The following CACNG4 variants were observed in gnomAD, a reference collection of about 807,000 sequenced individuals.
CACNG4 encodes the protein voltage-dependent calcium channel gamma-4 subunit.
Under a neutral mutation model 22.9 loss-of-function variants are expected in CACNG4, and 8 were observed. The observed-to-expected ratio is 0.35, with a 90% CI of 0.21 to 0.63. CACNG4 has a LOEUF of 0.63. Ranked by LOEUF, CACNG4 falls within the 30% of genes least tolerant of loss-of-function variation. The pLI, the probability that CACNG4 is intolerant of heterozygous loss-of-function variation, is 0.72. For missense variants in CACNG4, 357 were observed against 455.4 expected (o/e 0.78, Z 1.97); for synonymous variants, 188 against 191.9 (o/e 0.98, Z 0.17).
At chr17:66,982,133 G>A (rs1161324769) in intron 1 of CACNG4, among the ~76,000 whole-genome samples, 1 of 152,218 alleles carries the variant, frequency 6.6e-6, no homozygotes, top group Non-Finnish European at 1.5e-5. Flanking sequence ...GCAGCAGCTA[G>A]ATTTACTGTG....
chr17:67,006,964 C>T (rs886517201), intron 1 of CACNG4, among the ~76,000 whole-genome samples: 2 of 152,018 alleles, frequency 1.3e-5, no homozygotes, highest in Non-Finnish European at 2.9e-5. Context: ...CACTTGAGGT[C>T]AGGAGTTCGA....
chr17:66,974,970 G>C (rs1463769214), intron 1 of CACNG4, among the ~76,000 whole-genome samples: 8 of 128,120 alleles, frequency 6.2e-5, no homozygotes, highest in African/African-American at 2.0e-4. Flanking sequence ...CCACCCTGAC[G>C]CCGTGACTTG....
intron 1 of CACNG4, 21 bp from the exon 2 acceptor site, chr17:67,018,168 T>C: frequency 6.3e-7 from 1 of 1,593,956 alleles, no homozygotes; most frequent in Non-Finnish European, 8.6e-7. Flanking sequence ...TACAGTGTTC[T>C]TTTCCTCTCG....
intron 2 of CACNG4, among the ~76,000 whole-genome samples, 189 bp downstream of exon 2, chr17:67,018,461 G>T (rs2035513685): frequency 6.6e-6 from 1 of 152,200 alleles, no homozygotes; most frequent in Non-Finnish European, 1.5e-5. Flanking sequence ...ATGACATACT[G>T]GGTATCTCAA....
Position 67,030,653 on chromosome 17 carries a change from A to C in CACNG4, c.633A>C (p.Lys211Asn). Residue 211 changes from lysine (K) to asparagine (N), a missense_variant, in exon 4 of 4, where the codon AAA (lysine) becomes AAC (asparagine). Lys to Asn is a moderately conservative substitution (Grantham distance 94). Transcript: ENST00000262138. This position sits in a 1 kb window ranked among gnomAD's most constrained non-coding sequence, Gnocchi z 6.4. ...TAAACATTTACATTGAGAAAAATAA[A>C]GAGTTGAGGTTTAAGACCAAACGGG... is the stretch of plus-strand genomic sequence containing the variant. ...LAVNIYIEKN[K>N]ELRFKTKREF... 1 of 1,614,244 alleles carries C rather than the reference A, an allele frequency of 6.2e-7. No individual in the cohort carries two copies. Among genetic ancestry groups the C allele is most frequent in the Admixed American group, 1.7e-5 (1 of 60,036 alleles).
rs774303379 is a variant in CACNG4, at chr17:67,030,721, C to T, written c.701C>T (p.Pro234Leu). Residue 234 changes from proline to leucine, a missense_variant, in exon 4 of 4, where the codon CCG becomes CTG. This residue lies in a region of CACNG4 where 240 missense variants were observed against 277.6 expected (regional missense o/e 0.86). Coordinates refer to ENST00000262138, the MANE Select transcript of CACNG4 (RefSeq NM_014405.4). This position sits in a 1 kb window ranked among gnomAD's most constrained non-coding sequence, Gnocchi z 6.4. ...ASSSSPYARM[P>L]SYRYRRRRSR... ...TCCTCTTCTCCTTATGCCAGGATGC[C>T]GAGCTACAGGTACCGGCGACGGCGC... 6.8e-6 allele frequency: 11 copies of T among 1,614,086 alleles called. No homozygotes were observed. Among genetic ancestry groups the T allele is most frequent in the South Asian group, 1.1e-5 (1 of 91,086 alleles).
intron 1 of CACNG4, among the ~76,000 whole-genome samples, chr17:66,997,938 A>T (rs1429069760): frequency 1.3e-5 from 2 of 152,148 alleles, no homozygotes; most frequent in East Asian, 3.9e-4. Flanking sequence ...GGGAAGGAGG[A>T]GGAGATCCTG....
chr17:67,001,466 G>A (rs1368588791), intron 1 of CACNG4, among the ~76,000 whole-genome samples: 1 of 151,996 alleles, frequency 6.6e-6, no homozygotes, highest in African/African-American at 2.4e-5. Context: ...TGCCGTAGCC[G>A]CTGCATCTTA....
chr17:67,013,545 C>T (rs1168355186), intron 1 of CACNG4, among the ~76,000 whole-genome samples: 1 of 152,044 alleles, frequency 6.6e-6, no homozygotes, highest in African/African-American at 2.4e-5. Context: ...TGGCTCACAC[C>T]CGTAAACCCA....
intron 1 of CACNG4, among the ~76,000 whole-genome samples, chr17:66,969,929 G>C (rs1007009563): frequency 5.3e-5 from 8 of 152,148 alleles, no homozygotes; most frequent in Admixed American, 4.6e-4. Flanking sequence ...GAGGCAGCCT[G>C]TCCAGTCAGG....
Position 66,972,016 on chromosome 17 carries a change from G to A in CACNG4, c.220+6885G>A, listed in dbSNP as rs988284710. On this transcript the variant is annotated intron_variant, in intron 1 of 3. Coordinates refer to ENST00000262138, the MANE Select transcript of CACNG4 (RefSeq NM_014405.4). ...TGGCAGACTGGAGACCTGGGGCTAC[G>A]TGGCAGCAGCAGAGATGGGAGAAGT... Among the ~76,000 whole-genome samples, 5 of 152,202 alleles carry A rather than the reference G, an allele frequency of 3.3e-5. 1 individual carries two copies. Among genetic ancestry groups the A allele is most frequent in the South Asian group, 4.1e-4 (2 of 4,830 alleles).
At chr17:66,975,354 G>GTCA (rs2035230005) in intron 1 of CACNG4, among the ~76,000 whole-genome samples, 1 of 152,138 alleles carries the variant, frequency 6.6e-6, no homozygotes, top group African/African-American at 2.4e-5. Flanking sequence ...GCATCAGACG[G>GTCA]TCAGCATTGA....
chr17:67,018,863 C>G (rs1389060313), intron 2 of CACNG4, among the ~76,000 whole-genome samples: 2 of 152,102 alleles, frequency 1.3e-5, no homozygotes, highest in Non-Finnish European at 2.9e-5. Flanking sequence ...ATGGGAGCCC[C>G]CACCTGCTCC....
intron 1 of CACNG4, among the ~76,000 whole-genome samples, chr17:66,967,991 C>G (rs1199373736): frequency 6.6e-6 from 1 of 152,224 alleles, no homozygotes; most frequent in Non-Finnish European, 1.5e-5. Context: ...CTGCCTGCCC[C>G]TCTGCTGGAA....
chr17:66,981,630 G>A (rs1008794564), intron 1 of CACNG4, among the ~76,000 whole-genome samples: 3 of 152,150 alleles, frequency 2.0e-5, no homozygotes, highest in East Asian at 1.9e-4. Flanking sequence ...CTCTTGAGCC[G>A]CCCGTGAGTA....
intron 2 of CACNG4, among the ~76,000 whole-genome samples, chr17:67,024,261 C>T (rs1461348664): frequency 1.3e-5 from 2 of 152,320 alleles, no homozygotes; most frequent in South Asian, 2.1e-4. Context: ...TGCTATGCAC[C>T]TTACATGTAC....
intron 1 of CACNG4, among the ~76,000 whole-genome samples, chr17:66,980,232 T>A (rs1274506059): frequency 6.6e-6 from 1 of 152,224 alleles, no homozygotes; most frequent in Non-Finnish European, 1.5e-5. Context: ...AATTTCCACA[T>A]TGGGCTTCCA....
At chr17:66,969,785 ACCACACTC>A (rs2035192862) in intron 1 of CACNG4, among the ~76,000 whole-genome samples, 1 of 152,242 alleles carries the variant, frequency 6.6e-6, no homozygotes, top group South Asian at 2.1e-4. Context: ...TCTGTCTTAA[ACCACACTC>A]CCTACATAGG....
In CACNG4 at chr17:67,024,442, G is replaced by T. The variant is rs1180415277; in HGVS notation, c.305-418G>T. On this transcript the variant is annotated intron_variant, in intron 2 of 3. Transcript: ENST00000262138. ...GCCGATGCGTGTGCTCTCAACCACTGACCAGGGCCACCCTTTGTGGACACT... is the reference window on the plus strand; with the variant it reads ...GCCGATGCGTGTGCTCTCAACCACTTACCAGGGCCACCCTTTGTGGACACT... Among the ~76,000 whole-genome samples, 2 of 152,238 alleles carry T rather than the reference G, an allele frequency of 1.3e-5. 1 individual carries two copies. The highest frequency in any genetic ancestry group is 4.1e-4 in the South Asian group (2 of 4,832).
Sources: gnomAD v4.1 joint callset for allele counts (sites outside exome capture counted in the v4.1 genomes callset) on GRCh38, gnomAD v4.1.1 for gene constraint, gnomAD v4.1.1 regional missense constraint, Gnocchi (gnomAD v3.1) non-coding constraint, MANE v1.5 for transcripts, NCBI Gene and HGNC (gene_info 2026-07-23, HGNC 2026-07-21) for gene names.